Variants in SYNE1 observed in about 807,000 individuals in gnomAD.
SYNE1 encodes the protein nesprin-1.
Under a neutral mutation model 1,111.0 loss-of-function variants are expected in SYNE1, and 616 were observed. The observed-to-expected ratio is 0.55, with a 90% CI of 0.52 to 0.59. The LOEUF (loss-of-function observed/expected upper bound fraction) is 0.59. Among genes scored for constraint, SYNE1 ranks in the 20% least tolerant of loss-of-function variants. SYNE1 has a pLI of 0.00. For synonymous variants in SYNE1, 3,855 were observed against 3,825.8 expected (o/e 1.01, Z -0.28); for missense variants, 10,006 against 10,417.0 (o/e 0.96, Z 1.72).
chr6:152,481,933 GC>G (rs1440840996), intron 14 of SYNE1, among the ~76,000 whole-genome samples: 1 of 151,890 alleles, frequency 6.6e-6, no homozygotes, highest in East Asian at 1.9e-4. Flanking sequence ...CATCTGAGAA[GC>G]CAAATGACAG....
chr6:152,449,557 G>A lies in SYNE1; in HGVS notation c.3480C>T (p.His1160=), dbSNP rs757238055. ...IKGEAIDTAN[H]GEVKRAVEEI... ...CTTCAACGGCACGTTTAACCTCTCC[G>A]TGGTTGGCAGTATCGATGGCCTCAC... The change falls in exon 28 of 146, where the codon CAC becomes CAT. Residue 1160 remains histidine, a synonymous_variant. Coordinates refer to ENST00000367255, the MANE Select transcript of SYNE1 (RefSeq NM_182961.4). 8 of 1,613,964 alleles carry A rather than the reference G, an allele frequency of 5.0e-6. No individual in the cohort carries two copies. The East Asian group carries it at 1.1e-4, about 22-fold the overall frequency.
rs2059821427 is a variant in SYNE1, at chr6:152,148,084, C to T, written c.24937G>A (p.Asp8313Asn). 6.2e-7 allele frequency: 1 copy of T among 1,614,176 alleles called. No individual in the cohort carries two copies. Among genetic ancestry groups the T allele is most frequent in the Non-Finnish European group, 8.5e-7 (1 of 1,180,042 alleles). Residue 8313 changes from aspartate to asparagine, a missense_variant, in exon 137 of 146, where the codon GAC becomes AAC. By Grantham distance (23) the Asp-to-Asn change is conservative (BLOSUM62 1). Transcript: ENST00000367255. The surrounding 1 kb of genome is among the most constrained non-coding windows in gnomAD (Gnocchi z 4.1). ...GCTCCCCGGAGGTAGAAATCTTTGT[C>T]ATCCTGACCTTCTTCATCCTCAGAG... ...LPSEDEEGQD[D>N]KDFYLRGAVG...
At chr6:152,367,759 G>C (rs1396538628) in intron 61 of SYNE1, 5 of 233,910 alleles carry the variant, frequency 2.1e-5, no homozygotes, top group African/African-American at 1.1e-4. Flanking sequence ...ATTGTAGCCA[G>C]AGTTCTAAAA....
chr6:152,463,951 C>CA (rs2098749673), intron 18 of SYNE1, among the ~76,000 whole-genome samples: 1 of 152,084 alleles, frequency 6.6e-6, no homozygotes, highest in Non-Finnish European at 1.5e-5. Context: ...AATTTTGTTA[C>CA]ATGCATAGAT....
chr6:152,125,530 A>G lies in SYNE1; in HGVS notation c.26154-2854T>C, dbSNP rs954865434. ...CTTAAAGTGTCTTAAGAAGGATAGGATAGCTACCCACAAACTTTGGATCAA... is the reference window on the plus strand; with the variant it reads ...CTTAAAGTGTCTTAAGAAGGATAGGGTAGCTACCCACAAACTTTGGATCAA... On this transcript the variant is annotated intron_variant, in intron 145 of 145. Coordinates refer to ENST00000367255, the MANE Select transcript of SYNE1 (RefSeq NM_182961.4). 22 of 781,544 alleles carry G rather than the reference A, an allele frequency of 2.8e-5. No homozygotes were observed. The African/African-American group carries it at 3.4e-4, about 12-fold the overall frequency. 48.4% of individuals were successfully genotyped at this position (781,544 alleles called of 1,614,324 possible).
chr6:152,453,552 G>C, intron 25 of SYNE1, 34 bp downstream of exon 25: 1 of 1,605,402 alleles, frequency 6.2e-7, no homozygotes, highest in South Asian at 1.1e-5. Flanking sequence ...CCTTCATTGA[G>C]GATGCACGGT....
intron 91 of SYNE1, among the ~76,000 whole-genome samples, chr6:152,305,931 G>A (rs143382314): frequency 8.5e-5 from 13 of 152,338 alleles, no homozygotes; most frequent in Non-Finnish European, 1.6e-4. Flanking sequence ...GAGTCAGGAA[G>A]ACATAGTCCA....
At position 152,262,079 on chromosome 6, in the gene SYNE1, T is replaced by C. The variant is rs575992837; in HGVS notation, c.18925A>G (p.Lys6309Glu). ...AGAACATTCTGTAGTAGTTTCTGCT[T>C]GGTACTAAATTCTTGATGTAGGCTT... Reference protein sequence around the residue: ...WESLHQEFSTKQKLLQNVLEQ... With the variant: ...WESLHQEFSTEQKLLQNVLEQ... The change falls in exon 101 of 146, where the codon AAG (lysine) becomes GAG (glutamate). Residue 6309 changes from lysine to glutamate, a missense_variant. Lys to Glu is a moderately conservative substitution (Grantham distance 56). Around this residue, in one of 7 missense-constraint regions of SYNE1, gnomAD observed 2,182 missense variants for 2,287.8 expected, o/e 0.95. Transcript: ENST00000367255. 1 of 1,613,908 alleles carries C rather than the reference T, an allele frequency of 6.2e-7. No homozygotes were observed. The highest frequency in any genetic ancestry group is 1.7e-5 in the Admixed American group (1 of 60,018).
chr6:152,358,202 C>T (rs1006026659), intron 66 of SYNE1, among the ~76,000 whole-genome samples, 171 bp downstream of exon 66: 1 of 152,170 alleles, frequency 6.6e-6, no homozygotes, highest in African/African-American at 2.4e-5. Context: ...TGTCAACTAG[C>T]GCATACTGCT....
intron 94 of SYNE1, 71 bp downstream of exon 94, chr6:152,293,889 G>C: frequency 6.2e-7 from 1 of 1,610,130 alleles, no homozygotes; most frequent in Non-Finnish European, 8.5e-7. Flanking sequence ...CTCTCTGCAT[G>C]TATTTCATAA....
chr6:152,529,934 G>T (rs895263304), intron 4 of SYNE1, among the ~76,000 whole-genome samples: 2 of 151,948 alleles, frequency 1.3e-5, no homozygotes, highest in Non-Finnish European at 2.9e-5. Context: ...CAAAAAAAAA[G>T]TTAACCCAAA....
At chr6:152,364,779 C>A in intron 63 of SYNE1, 68 bp downstream of exon 63, 1 of 1,599,910 alleles carries the variant, frequency 6.3e-7, no homozygotes, top group African/African-American at 1.3e-5. Context: ...CAGGAATGGT[C>A]TGTTCAGTAG....
At chr6:152,601,097 A>G (rs994102374) in intron 3 of SYNE1, among the ~76,000 whole-genome samples, 1 of 152,210 alleles carries the variant, frequency 6.6e-6, no homozygotes. Context: ...AGAAGTGAGG[A>G]AGCTTTGCTC....
In SYNE1 at chr6:152,180,281, C is replaced by T. The variant is rs138787771; in HGVS notation, c.23315G>A (p.Arg7772Gln). Residue 7772 changes from arginine to glutamine, a missense_variant, in exon 129 of 146, where the codon CGG becomes CAG. By Grantham distance (43) the Arg-to-Gln change is conservative (BLOSUM62 1). Around this residue, in one of 7 missense-constraint regions of SYNE1, gnomAD observed 2,182 missense variants for 2,287.8 expected, o/e 0.95. Transcript: ENST00000367255. ...ATTCAATCTTTCACCTATTTGCTGC[C>T]GCCTTAAGGAGAGCTGAAAAGTTTA... ...EELCHQLSLR[R>Q]QQIGERLNEW... The T allele has an allele frequency of 6.2e-3, 10,066 of 1,613,974 alleles. 49 individuals are homozygous for T. The highest frequency in any genetic ancestry group is 7.9e-3 in the Non-Finnish European group (9,305 of 1,179,960).
intron 72 of SYNE1, among the ~76,000 whole-genome samples, chr6:152,348,228 G>A (rs748953774): frequency 9.0e-4 from 137 of 152,202 alleles, no homozygotes; most frequent in Non-Finnish European, 6.0e-4. Context: ...TATAGATGAG[G>A]AAACTGAATC....
chr6:152,556,698 T>C (rs1424163005), intron 3 of SYNE1, among the ~76,000 whole-genome samples: 1 of 152,158 alleles, frequency 6.6e-6, no homozygotes, highest in African/African-American at 2.4e-5. Flanking sequence ...GGACCATCTG[T>C]CCCCTGACGA....
In SYNE1 at chr6:152,344,164, A is replaced by C. The variant is rs377526133; in HGVS notation, c.12142T>G (p.Cys4048Gly). Residue 4048 changes from cysteine to glycine, a missense_variant, in exon 74 of 146, where the codon TGC becomes GGC. By Grantham distance (159) the Cys-to-Gly change is radical (BLOSUM62 -3). Around this residue, in one of 7 missense-constraint regions of SYNE1, gnomAD observed 4,955 missense variants for 5,017.2 expected, o/e 0.99. Coordinates refer to ENST00000367255, the MANE Select transcript of SYNE1 (RefSeq NM_182961.4). ...TGGACTGCAGAAAGCCAGGCCTGGC[A>C]CTGCTGCAGGGTGTCTTGTCGGCTG... The part of the protein sequence containing the change: ...HVSRQDTLQQ[C>G]QAWLSAVQPD... 41 of 1,614,122 alleles carry C rather than the reference A, an allele frequency of 2.5e-5. No individual in the cohort carries two copies. Among genetic ancestry groups the C allele is most frequent in the Admixed American group, 8.3e-5 (5 of 60,004 alleles).
At chr6:152,206,130 A>T (rs1431662145) in intron 126 of SYNE1, 38 bp downstream of exon 126, 3 of 1,601,130 alleles carry the variant, frequency 1.9e-6, no homozygotes, top group Non-Finnish European at 2.6e-6. Flanking sequence ...CAACGACTAA[A>T]AGGGTTTTTT....
In SYNE1 at chr6:152,262,058, C is replaced by T. The variant is rs557729565; in HGVS notation, c.18946G>A (p.Val6316Ile). Residue 6316 changes from valine to isoleucine, a missense_variant, in exon 101 of 146, where the codon GTT becomes ATT. Coordinates refer to ENST00000367255, the MANE Select transcript of SYNE1 (RefSeq NM_182961.4). ...ACTTGCTCTTGTTCCTGTTCCAGAA[C>T]ATTCTGTAGTAGTTTCTGCTTGGTA... ...FSTKQKLLQN[V>I]LEQEQEQVLY... 1.1e-5 allele frequency: 18 copies of T among 1,613,534 alleles called. No homozygotes were observed. In the African/African-American group the frequency reaches 2.0e-4, roughly 18 times the overall value.
Sources: allele counts gnomAD v4.1 joint callset (sites outside exome capture counted in the v4.1 genomes callset), GRCh38; gene constraint gnomAD v4.1.1; regional missense constraint gnomAD v4.1.1; non-coding constraint Gnocchi (gnomAD v3.1); transcripts MANE v1.5; gene names NCBI Gene and HGNC (gene_info 2026-07-23, HGNC 2026-07-21).